AUTS2: variants seen among roughly 807,000 people sequenced by gnomAD.
AUTS2 encodes autism susceptibility gene 2 protein.
In AUTS2, 17 loss-of-function variants were observed where a neutral mutation model predicts 112.4. The ratio of observed to expected loss-of-function variants is 0.15; its 90% CI spans 0.10 to 0.23. AUTS2 has a LOEUF of 0.23. Among genes scored for constraint, AUTS2 ranks in the 10% least tolerant of loss-of-function variants. The probability of loss-of-function intolerance (pLI) is 1.00; values close to 1 mark genes in which losing one functional copy is unlikely to be tolerated. For synonymous variants in AUTS2, 751 were observed against 702.7 expected (o/e 1.07, Z -1.09); for missense variants, 1,510 against 1,701.6 (o/e 0.89, Z 1.98).
chr7:69,892,773 T>G (rs1794583634), intron 1 of AUTS2, among the ~76,000 whole-genome samples: 1 of 152,216 alleles, frequency 6.6e-6, no homozygotes, highest in African/African-American at 2.4e-5. Flanking sequence ...TTGTGTTAGT[T>G]TTTTCTATTT....
intron 2 of AUTS2, among the ~76,000 whole-genome samples, chr7:70,112,933 C>G (rs1163549112): frequency 1.3e-5 from 2 of 151,932 alleles, no homozygotes; most frequent in South Asian, 2.1e-4. Flanking sequence ...TTCCCTTTCT[C>G]TATTATGATT....
At chr7:69,725,844 G>A (rs1786483487) in intron 1 of AUTS2, among the ~76,000 whole-genome samples, 2 of 152,188 alleles carry the variant, frequency 1.3e-5, no homozygotes, top group South Asian at 4.1e-4. Context: ...TCCAGTTAAT[G>A]TACCTGCAGG....
At chr7:70,440,828 A>G (rs983623343) in intron 5 of AUTS2, among the ~76,000 whole-genome samples, 2 of 152,234 alleles carry the variant, frequency 1.3e-5, no homozygotes, top group African/African-American at 4.8e-5. Flanking sequence ...AACTGTTCCC[A>G]AATGCCAAAC....
intron 4 of AUTS2, among the ~76,000 whole-genome samples, chr7:70,151,229 G>A (rs138140311): frequency 6.6e-6 from 1 of 152,296 alleles, no homozygotes; most frequent in African/African-American, 2.4e-5. Flanking sequence ...TTATTCATTA[G>A]AGAGTTAATT....
chr7:70,787,568 C>T, intron 18 of AUTS2, 137 bp downstream of exon 18: 1 of 635,170 alleles, frequency 1.6e-6, no homozygotes, highest in Non-Finnish European at 2.8e-6. Flanking sequence ...TCCCCACAGC[C>T]AGTGCCCGCA....
intron 5 of AUTS2, among the ~76,000 whole-genome samples, chr7:70,458,610 G>GT (rs1171800104): frequency 6.6e-6 from 1 of 152,148 alleles, no homozygotes; most frequent in Non-Finnish European, 1.5e-5. Context: ...GGAAGTAGTT[G>GT]TTTTTTAGGG....
chr7:69,720,281 T>A (rs1043079068), intron 1 of AUTS2, among the ~76,000 whole-genome samples: 1 of 152,206 alleles, frequency 6.6e-6, no homozygotes, highest in South Asian at 2.1e-4. Context: ...CCTTTCATAA[T>A]AGAATGAATA....
chr7:70,245,961 C>T (rs1336211729), intron 4 of AUTS2, among the ~76,000 whole-genome samples: 1 of 152,114 alleles, frequency 6.6e-6, no homozygotes, highest in Non-Finnish European at 1.5e-5. Flanking sequence ...TCAACAGCCT[C>T]ATTGTGGTTT....
chr7:70,427,036 G>C (rs75760658), intron 4 of AUTS2, among the ~76,000 whole-genome samples: 5,195 of 152,230 alleles, frequency 0.034, 86 homozygotes, highest in Middle Eastern at 0.044. Flanking sequence ...CTATATATGG[G>C]AAGGGAAAAT....
At chr7:70,496,453 C>CGCACA (rs1798512284) in intron 5 of AUTS2, among the ~76,000 whole-genome samples, 1 of 141,272 alleles carries the variant, frequency 7.1e-6, no homozygotes, top group Admixed American at 7.0e-5. Flanking sequence ...ATCACACACA[C>CGCACA]CACGTACACA....
intron 4 of AUTS2, among the ~76,000 whole-genome samples, chr7:70,344,759 G>C (rs1191937850): frequency 2.6e-5 from 4 of 152,150 alleles, no homozygotes; most frequent in Non-Finnish European, 1.5e-5. Context: ...TTGGAGTGAA[G>C]CTTTTCCATT....
At chr7:69,850,536 AAT>A (rs1792432033) in intron 1 of AUTS2, among the ~76,000 whole-genome samples, 1 of 148,918 alleles carries the variant, frequency 6.7e-6, no homozygotes, top group African/African-American at 2.5e-5. Context: ...GCTGTTTTTT[AAT>A]ATGGCTGTTC....
chr7:70,713,189 G>A (rs1002050062), intron 6 of AUTS2, among the ~76,000 whole-genome samples: 1 of 152,196 alleles, frequency 6.6e-6, no homozygotes, highest in African/African-American at 2.4e-5. Context: ...TTCTTGGCAG[G>A]TGCTGCATCA....
chr7:69,727,942 GA>G (rs1398685191), intron 1 of AUTS2, among the ~76,000 whole-genome samples: 3 of 152,172 alleles, frequency 2.0e-5, no homozygotes, highest in Non-Finnish European at 2.9e-5. Context: ...GAATCATTTA[GA>G]AATGAACAGA....
At chr7:69,902,232 T>G (rs75769221) in intron 2 of AUTS2, among the ~76,000 whole-genome samples, 2,542 of 152,208 alleles carry the variant, frequency 0.017, 25 homozygotes, top group Middle Eastern at 0.037. Flanking sequence ...GACACATGAG[T>G]GTTTAATGAC....
At position 70,593,440 on chromosome 7, in the gene AUTS2, C is replaced by T. The variant is rs73706112; in HGVS notation, c.691-105129C>T. Among the ~76,000 whole-genome samples, 1,307 of 152,252 alleles carry T rather than the reference C, an allele frequency of 8.6e-3. 19 individuals are homozygous for T. Among genetic ancestry groups the T allele is most frequent in the African/African-American group, 0.03 (1,235 of 41,554 alleles). ...ATAAAGACTGGGACTGAAGCTGGGG[C>T]ATCACTCCCTTTGGTTTCCCCTCTC... On this transcript the variant is annotated intron_variant, in intron 5 of 18. Transcript: ENST00000342771.
intron 1 of AUTS2, among the ~76,000 whole-genome samples, chr7:69,736,927 T>C (rs759644182): frequency 1.3e-5 from 2 of 152,190 alleles, no homozygotes; most frequent in Non-Finnish European, 2.9e-5. Context: ...ATTTTGGAGG[T>C]ACTTTTCAAC....
intron 5 of AUTS2, among the ~76,000 whole-genome samples, chr7:70,550,428 CA>C (rs891130462): frequency 4.0e-5 from 6 of 151,456 alleles, no homozygotes; most frequent in Admixed American, 6.6e-5. Context: ...GGGGGATTGC[CA>C]AAAAAAATAA....
At chr7:69,761,201 A>G (rs1250954150) in intron 1 of AUTS2, among the ~76,000 whole-genome samples, 2 of 152,208 alleles carry the variant, frequency 1.3e-5, no homozygotes, top group African/African-American at 4.8e-5. Flanking sequence ...CCCCGCTCTA[A>G]TAGAGACTGC....
Sources: allele counts gnomAD v4.1 joint callset (sites outside exome capture counted in the v4.1 genomes callset), GRCh38; gene constraint gnomAD v4.1.1; transcripts MANE v1.5; gene names NCBI Gene and HGNC (gene_info 2026-07-23, HGNC 2026-07-21).